The following PPP1R1C variants were observed in gnomAD, a reference collection of about 807,000 sequenced individuals.
PPP1R1C encodes protein phosphatase 1 regulatory inhibitor subunit 1C.
In PPP1R1C, 15 loss-of-function variants were observed where a neutral mutation model predicts 17.4. The ratio of observed to expected loss-of-function variants is 0.86; its 90% CI spans 0.58 to 1.33. The LOEUF is 1.33. Among genes scored for constraint, PPP1R1C ranks in the 40% most tolerant of loss-of-function variants. The pLI is 0.00. For missense variants in PPP1R1C, 143 were observed against 130.0 expected (o/e 1.10, Z -0.48); for synonymous variants, 35 against 43.1 (o/e 0.81, Z 0.73).
intron 2 of PPP1R1C, among the ~76,000 whole-genome samples, chr2:181,999,041 G>A (rs146816251): frequency 4.6e-5 from 7 of 152,144 alleles, no homozygotes; most frequent in Non-Finnish European, 1.0e-4. Context: ...TTTACTTAAG[G>A]GTCTGGAGAT....
chr2:182,051,747 T>C (rs2701667), intron 2 of PPP1R1C, among the ~76,000 whole-genome samples: 6,862 of 152,308 alleles, frequency 0.045, 463 homozygotes, highest in Admixed American at 0.18. Context: ...TTATTCCCAC[T>C]GTTTAAATAC....
At chr2:182,129,123 T>G (rs996189580) in exon 6 of PPP1R1C, 2 of 152,108 alleles carry the variant, frequency 1.3e-5, no homozygotes, top group Non-Finnish European at 2.9e-5. Flanking sequence ...CTGAAGCACT[T>G]TAGATATTTT....
intron 4 of PPP1R1C, among the ~76,000 whole-genome samples, chr2:182,103,088 G>A (rs1689146168): frequency 6.6e-6 from 1 of 152,162 alleles, no homozygotes; most frequent in African/African-American, 2.4e-5. Context: ...ACAGGTGTGA[G>A]CCCCGCTTCC....
chr2:182,091,060 T>G (rs533107249), intron 4 of PPP1R1C, among the ~76,000 whole-genome samples: 1 of 152,326 alleles, frequency 6.6e-6, no homozygotes, highest in Admixed American at 6.5e-5. Flanking sequence ...GAGTTTATAG[T>G]GCCTGTATTG....
At chr2:181,971,290 T>C (rs1173076711) in intron 1 of PPP1R1C, among the ~76,000 whole-genome samples, 1 of 152,076 alleles carries the variant, frequency 6.6e-6, no homozygotes, top group Non-Finnish European at 1.5e-5. Flanking sequence ...ACTTGGCAAA[T>C]CCTGCCAGGA....
chr2:182,051,744 C>T (rs1032999690), intron 2 of PPP1R1C, among the ~76,000 whole-genome samples: 3 of 152,086 alleles, frequency 2.0e-5, no homozygotes, highest in Non-Finnish European at 2.9e-5. Flanking sequence ...TGTTTATTCC[C>T]ACTGTTTAAA....
chr2:182,041,259 A>G (rs970914997), intron 2 of PPP1R1C, among the ~76,000 whole-genome samples: 2 of 152,190 alleles, frequency 1.3e-5, no homozygotes, highest in Non-Finnish European at 2.9e-5. Flanking sequence ...ATTTTAAAAA[A>G]TGGAATATGT....
chr2:182,074,187 G>A (rs556092707), intron 4 of PPP1R1C, among the ~76,000 whole-genome samples: 4 of 151,656 alleles, frequency 2.6e-5, no homozygotes, highest in South Asian at 4.2e-4. Context: ...GACTACAGGC[G>A]CCCGCCATCA....
intron 3 of PPP1R1C, among the ~76,000 whole-genome samples, chr2:182,063,239 G>A (rs1197869429): frequency 3.3e-5 from 5 of 151,832 alleles, no homozygotes; most frequent in Non-Finnish European, 2.9e-5. Flanking sequence ...CCAAGTAAAT[G>A]GAGGTAATAG....
intron 2 of PPP1R1C, among the ~76,000 whole-genome samples, chr2:181,975,596 A>G (rs563295503): frequency 1.7e-4 from 26 of 152,118 alleles, no homozygotes; most frequent in African/African-American, 5.1e-4. Context: ...AATAATAGCT[A>G]TTTAACAGGA....
chr2:182,044,228 C>A (rs1687274611), intron 2 of PPP1R1C, among the ~76,000 whole-genome samples: 1 of 152,172 alleles, frequency 6.6e-6, no homozygotes, highest in African/African-American at 2.4e-5. Flanking sequence ...CGAAAGAAAT[C>A]TGGTCATGCC....
intron 4 of PPP1R1C, among the ~76,000 whole-genome samples, chr2:182,097,509 G>A (rs1298329240): frequency 6.6e-6 from 1 of 152,132 alleles, no homozygotes; most frequent in Admixed American, 6.5e-5. Flanking sequence ...ATTGACAGGG[G>A]AATAAAAACT....
chr2:182,003,982 T>C (rs1011726160), intron 2 of PPP1R1C, among the ~76,000 whole-genome samples: 5 of 152,156 alleles, frequency 3.3e-5, no homozygotes, highest in Admixed American at 3.3e-4. Context: ...CACTTGACCA[T>C]TTCCAGTGGT....
At chr2:182,062,291 C>T (rs1173154100) in intron 3 of PPP1R1C, among the ~76,000 whole-genome samples, 1 of 152,082 alleles carries the variant, frequency 6.6e-6, no homozygotes, top group African/African-American at 2.4e-5. Context: ...CAAAACTAAA[C>T]TCTTACATAA....
intron 2 of PPP1R1C, among the ~76,000 whole-genome samples, chr2:182,049,437 T>C (rs941504148): frequency 1.3e-5 from 2 of 151,516 alleles, no homozygotes; most frequent in South Asian, 2.1e-4. Flanking sequence ...TCCCACAAAA[T>C]AGTGCAGGAA....
chr2:181,960,118 C>T (rs1033053930), intron 1 of PPP1R1C, among the ~76,000 whole-genome samples: 1 of 152,158 alleles, frequency 6.6e-6, no homozygotes, highest in Non-Finnish European at 1.5e-5. Context: ...TATCAGCTAA[C>T]ACCTGCTTTA....
At chr2:182,005,175 C>T (rs1411271398) in intron 2 of PPP1R1C, among the ~76,000 whole-genome samples, 20 of 152,122 alleles carry the variant, frequency 1.3e-4, no homozygotes, top group Non-Finnish European at 2.9e-4. Context: ...AATATATATA[C>T]TATAGGCTCA....
At chr2:181,982,005 T>C (rs928275679), upstream of PPP1R1C, among the ~76,000 whole-genome samples, 1 of 152,226 alleles carries the variant, frequency 6.6e-6, no homozygotes, top group African/African-American at 2.4e-5. Flanking sequence ...CAACCAATTG[T>C]TAAACAAAGT....
chr2:181,957,770 C>T lies in PPP1R1C; in HGVS notation n.111+3136C>T, dbSNP rs536485386. On this transcript the variant is annotated intron_variant and non_coding_transcript_variant, in intron 1 of 5. Coordinates refer to the PPP1R1C transcript ENST00000464264. The surrounding 1 kb of genome is among the most constrained non-coding windows in gnomAD (Gnocchi z 4.2). ...GTACTTTGGACTTTTCTGAACACCACGCCTTACCCCATACTCATCAGCCAA... is the reference window on the plus strand; with the variant it reads ...GTACTTTGGACTTTTCTGAACACCATGCCTTACCCCATACTCATCAGCCAA... Among the ~76,000 whole-genome samples, 2 of 152,304 alleles carry T rather than the reference C, an allele frequency of 1.3e-5. No individual in the cohort carries two copies. Among genetic ancestry groups the T allele is most frequent in the Non-Finnish European group, 2.9e-5 (2 of 68,028 alleles).
Sources: gnomAD v4.1 joint callset for allele counts (sites outside exome capture counted in the v4.1 genomes callset) on GRCh38, gnomAD v4.1.1 for gene constraint, Gnocchi (gnomAD v3.1) non-coding constraint, MANE v1.5 for transcripts, NCBI Gene and HGNC (gene_info 2026-07-23, HGNC 2026-07-21) for gene names.